Variants in MBIP observed in about 807,000 individuals in gnomAD.
MBIP encodes MAP3K12 binding inhibitory protein 1, also known as MAP3K12-binding inhibitory protein 1.
In MBIP, 32 loss-of-function variants were observed where a neutral mutation model predicts 45.7. The observed-to-expected ratio is 0.70, with a 90% CI of 0.53 to 0.94. The LOEUF (loss-of-function observed/expected upper bound fraction) is 0.94. MBIP is among the 40% of genes least tolerant of loss of function. The pLI, the probability that MBIP is intolerant of heterozygous loss-of-function variation, is 0.00. For synonymous variants in MBIP, 145 were observed against 141.0 expected, an observed-to-expected ratio of 1.03 and a Z score of -0.20; for missense variants, 381 against 405.5, an observed-to-expected ratio of 0.94 and a Z score of 0.52.
At chr14:36,314,644 A>G in intron 3 of MBIP, 36 bp from the exon 4 acceptor site, 1 of 1,606,080 alleles carries the variant, frequency 6.2e-7, no homozygotes, top group Non-Finnish European at 8.5e-7. Context: ...TAAACATAAG[A>G]TTTTTTAAAA....
intron 5 of MBIP, 38 bp from the exon 6 acceptor site, chr14:36,311,763 T>G: frequency 6.6e-7 from 1 of 1,525,538 alleles, no homozygotes; most frequent in Non-Finnish European, 8.8e-7. Flanking sequence ...TACATTTGTA[T>G]TTCAAAAATC....
intron 7 of MBIP, among the ~76,000 whole-genome samples, chr14:36,302,623 T>C (rs1280087757): frequency 6.6e-6 from 1 of 151,772 alleles, no homozygotes; most frequent in Non-Finnish European, 1.5e-5. Flanking sequence ...CAAGAAATAT[T>C]AGAATGAGGA....
chr14:36,299,260 T>C, intron 8 of MBIP, 70 bp from the exon 9 acceptor site: 8 of 985,848 alleles, frequency 8.1e-6, no homozygotes, highest in South Asian at 1.4e-5. Flanking sequence ...AAGTGCCAAA[T>C]GAACTATAAA....
intron 7 of MBIP, among the ~76,000 whole-genome samples, chr14:36,307,827 T>C (rs1045469706): frequency 1.3e-5 from 2 of 152,172 alleles, no homozygotes; most frequent in South Asian, 4.1e-4. Flanking sequence ...CCAGGCTGAC[T>C]TACTATGCCA....
At chr14:36,313,825 T>A (rs1395855121) in intron 4 of MBIP, 1 of 152,112 alleles carries the variant, frequency 6.6e-6, no homozygotes, top group Non-Finnish European at 1.5e-5. Flanking sequence ...TCTCCATAAT[T>A]TTTCCTAAGA....
intron 2 of MBIP, 139 bp downstream of exon 2, chr14:36,316,554 G>C (rs953678204): frequency 1.3e-6 from 1 of 789,176 alleles, no homozygotes; most frequent in African/African-American, 1.8e-5. Context: ...AACAGATTTA[G>C]ATTAAATCCG....
At chr14:36,317,133 A>G (rs1880620797) in intron 1 of MBIP, among the ~76,000 whole-genome samples, 1 of 152,088 alleles carries the variant, frequency 6.6e-6, no homozygotes, top group Non-Finnish European at 1.5e-5. Flanking sequence ...ATATATACAA[A>G]CCTTTGGATG....
At chr14:36,302,053 T>C (rs926940228) in intron 7 of MBIP, among the ~76,000 whole-genome samples, 3 of 152,190 alleles carry the variant, frequency 2.0e-5, no homozygotes, top group African/African-American at 7.2e-5. Context: ...ATAATAGAGC[T>C]CAGATAATTA....
chr14:36,314,476 T>C, intron 4 of MBIP, 36 bp downstream of exon 4: 2 of 1,370,956 alleles, frequency 1.5e-6, no homozygotes, highest in Non-Finnish European at 2.0e-6. Flanking sequence ...AAAATTGTGC[T>C]TAAAACCCTA....
intron 6 of MBIP, 39 bp downstream of exon 6, chr14:36,311,534 A>C (rs773073318): frequency 6.5e-7 from 1 of 1,542,192 alleles, no homozygotes; most frequent in South Asian, 1.2e-5. Context: ...AACCATTTGC[A>C]AAGGTTCATT....
intron 1 of MBIP, chr14:36,319,629 A>G (rs1268910144): frequency 1.7e-5 from 7 of 423,142 alleles, no homozygotes; most frequent in South Asian, 1.2e-4. Flanking sequence ...TTGCGCTAGT[A>G]CCAGCCCCAA....
Position 36,299,541 on chromosome 14 carries a change from A to G in MBIP, c.928-351T>C, listed in dbSNP as rs1274060493. On this transcript the variant is annotated intron_variant, in intron 8 of 8. Transcript: ENST00000416007. ...GAGGGAGAGGACTGAAAAACTGCCT[A>G]TTGGGTATTATGCTGATTGCCTGGG... Among the ~76,000 whole-genome samples the G allele has an allele frequency of 2.6e-5, 4 of 151,726 alleles. No individual in the cohort carries two copies. In the South Asian group the frequency reaches 8.3e-4, roughly 31 times the overall value.
At chr14:36,313,229 G>GT (rs1880322313) in intron 4 of MBIP, 1 of 151,166 alleles carries the variant, frequency 6.6e-6, no homozygotes, top group African/African-American at 2.4e-5. Context: ...GGGGCTAAGG[G>GT]TTAAAAAAAG....
intron 7 of MBIP, 127 bp downstream of exon 7, chr14:36,307,965 T>G (rs757642080): frequency 4.7e-5 from 27 of 568,448 alleles, no homozygotes; most frequent in Non-Finnish European, 8.0e-5. Flanking sequence ...TATACAGGAC[T>G]GTGTTCATTC....
intron 1 of MBIP, among the ~76,000 whole-genome samples, chr14:36,318,952 A>G (rs1880731142): frequency 6.6e-6 from 1 of 152,116 alleles, no homozygotes; most frequent in Non-Finnish European, 1.5e-5. Flanking sequence ...TGAAACAATC[A>G]TATTTTTGAC....
chr14:36,305,557 A>G (rs1470742189), intron 7 of MBIP, among the ~76,000 whole-genome samples: 1 of 152,096 alleles, frequency 6.6e-6, no homozygotes, highest in East Asian at 1.9e-4. Flanking sequence ...TACATTTACA[A>G]ATGCTTCCTG....
At chr14:36,312,968 A>C (rs1880297197) in intron 4 of MBIP, among the ~76,000 whole-genome samples, 1 of 152,044 alleles carries the variant, frequency 6.6e-6, no homozygotes, top group African/African-American at 2.4e-5. Context: ...TCCACTGCTT[A>C]TAGTTAGGTT....
intron 1 of MBIP, among the ~76,000 whole-genome samples, chr14:36,319,029 G>A (rs1218801615): frequency 1.3e-5 from 2 of 152,026 alleles, no homozygotes; most frequent in African/African-American, 4.8e-5. Context: ...GAACATTTTT[G>A]ACAGGTGACA....
rs753649365 is a variant in MBIP at position 36,300,831 on chromosome 14, A to T, written c.889-8T>A. ...TCTTTTTCCAGAAAAGCTCTAGATT[A>T]AAAAAAAAAAGGTAATGTTTAGAAA... On this transcript the variant is annotated splice_polypyrimidine_tract_variant and splice_region_variant and intron_variant, in intron 7 of 8. Transcript: ENST00000416007. 2.8e-5 allele frequency: 16 copies of T among 570,874 alleles called. No homozygotes were observed. Among genetic ancestry groups the T allele is most frequent in the Middle Eastern group, 3.8e-4 (1 of 2,666 alleles). 35.4% of individuals were successfully genotyped at this position (570,874 alleles called of 1,614,324 possible). A position where few individuals can be genotyped will look rare whatever the true frequency, so the allele number is the denominator to read the frequency against.
Sources: gnomAD v4.1 joint callset for allele counts (sites outside exome capture counted in the v4.1 genomes callset) on GRCh38, gnomAD v4.1.1 for gene constraint, MANE v1.5 for transcripts, NCBI Gene and HGNC (gene_info 2026-07-23, HGNC 2026-07-21) for gene names.